BNC2: variants seen among roughly 807,000 people sequenced by gnomAD.
BNC2 encodes the protein zinc finger protein basonuclin-2.
In BNC2, 20 loss-of-function variants were observed where a neutral mutation model predicts 76.3. The ratio of observed to expected loss-of-function variants is 0.26; its 90% confidence interval spans 0.18 to 0.38. BNC2 has a LOEUF of 0.38. BNC2 is among the 10% of genes least tolerant of loss of function. The pLI is 1.00. For synonymous variants in BNC2, 582 were observed against 514.8 expected, an observed-to-expected ratio of 1.13 and a Z score of -1.77; for missense variants, 1,382 against 1,399.8, an observed-to-expected ratio of 0.99 and a Z score of 0.20.
At chr9:16,780,209 C>A (rs1377955247) in intron 1 of BNC2, among the ~76,000 whole-genome samples, 229 of 116,030 alleles carry the variant, frequency 2.0e-3, no homozygotes, top group African/African-American at 7.2e-3. Flanking sequence ...GCACTCCAGC[C>A]TGGGTGACAG....
At chr9:16,486,033 C>T (rs1209668603) in intron 5 of BNC2, among the ~76,000 whole-genome samples, 1 of 152,166 alleles carries the variant, frequency 6.6e-6, no homozygotes, top group African/African-American at 2.4e-5. Flanking sequence ...TAGTTCGAAT[C>T]CTCTGAAAAT....
At chr9:16,613,588 A>G (rs1563863639) in intron 3 of BNC2, among the ~76,000 whole-genome samples, 1 of 152,152 alleles carries the variant, frequency 6.6e-6, no homozygotes. Flanking sequence ...TCATTTTTCA[A>G]TTACTGAGAT....
At chr9:16,743,567 T>C (rs1824912294) in intron 1 of BNC2, among the ~76,000 whole-genome samples, 1 of 152,206 alleles carries the variant, frequency 6.6e-6, no homozygotes, top group African/African-American at 2.4e-5. Flanking sequence ...AGAGCAAGCA[T>C]CTGTAACCCA....
At chr9:16,850,953 CAGG>C (rs1473480383) in intron 1 of BNC2, among the ~76,000 whole-genome samples, 1 of 152,144 alleles carries the variant, frequency 6.6e-6, no homozygotes, top group African/African-American at 2.4e-5. Context: ...GAACTAGACA[CAGG>C]CTGTCTGAAA....
intron 3 of BNC2, among the ~76,000 whole-genome samples, chr9:16,665,563 T>C (rs1336362302): frequency 6.6e-6 from 1 of 152,150 alleles, no homozygotes; most frequent in Admixed American, 6.5e-5. Context: ...GTTCTTACCA[T>C]CTTATTTTAC....
chr9:16,661,115 T>C (rs562756288), intron 3 of BNC2, among the ~76,000 whole-genome samples: 1 of 152,184 alleles, frequency 6.6e-6, no homozygotes, highest in Non-Finnish European at 1.5e-5. Context: ...CCCAACGTCA[T>C]GTGGTAAAAT....
chr9:16,790,784 G>C (rs1817482896), intron 1 of BNC2, among the ~76,000 whole-genome samples: 1 of 142,548 alleles, frequency 7.0e-6, no homozygotes, highest in South Asian at 2.3e-4. Flanking sequence ...AGAGCCTCTA[G>C]AACACTGGCT....
chr9:16,739,243 C>G (rs1587367923), intron 1 of BNC2, among the ~76,000 whole-genome samples: 1 of 152,286 alleles, frequency 6.6e-6, no homozygotes. Flanking sequence ...TATCTACCAA[C>G]AGTCCAAACT....
At chr9:16,569,231 A>AT (rs924567230) in intron 4 of BNC2, among the ~76,000 whole-genome samples, 2 of 151,400 alleles carry the variant, frequency 1.3e-5, no homozygotes, top group Non-Finnish European at 2.9e-5. Context: ...ATGGCCCTTG[A>AT]TTTTTTTTCT....
At chr9:16,598,057 T>C (rs543694536) in intron 3 of BNC2, among the ~76,000 whole-genome samples, 2 of 152,268 alleles carry the variant, frequency 1.3e-5, no homozygotes, top group African/African-American at 4.8e-5. Flanking sequence ...GTAATATTCA[T>C]AATAGTAGCA....
chr9:16,533,410 G>C (rs1270374265), intron 5 of BNC2, among the ~76,000 whole-genome samples: 1 of 152,058 alleles, frequency 6.6e-6, no homozygotes, highest in African/African-American at 2.4e-5. Context: ...ACTGTCATTT[G>C]ATCTATGATA....
At chr9:16,780,694 GC>G (rs1302156463) in intron 1 of BNC2, among the ~76,000 whole-genome samples, 1 of 152,070 alleles carries the variant, frequency 6.6e-6, no homozygotes, top group Non-Finnish European at 1.5e-5. Context: ...GGACAGTAAG[GC>G]AAACACAGGA....
chr9:16,443,566 C>A, intron 5 of BNC2, among the ~76,000 whole-genome samples: 2 of 152,082 alleles, frequency 1.3e-5, no homozygotes, highest in East Asian at 3.9e-4. Flanking sequence ...CAATGCTATG[C>A]AAAACTTAAA....
At chr9:16,467,267 A>T (rs1174428753) in intron 5 of BNC2, among the ~76,000 whole-genome samples, 3 of 94,086 alleles carry the variant, frequency 3.2e-5, no homozygotes, top group Non-Finnish European at 6.2e-5. Context: ...TGTGGAAGTC[A>T]GTGTGGCGAT....
At chr9:16,478,077 A>C (rs1821965995) in intron 5 of BNC2, among the ~76,000 whole-genome samples, 1 of 152,220 alleles carries the variant, frequency 6.6e-6, no homozygotes, top group Non-Finnish European at 1.5e-5. Flanking sequence ...AGTCTGAGGT[A>C]GTTCATTTCA....
intron 3 of BNC2, among the ~76,000 whole-genome samples, chr9:16,694,582 A>AG (rs1654374504): frequency 6.6e-6 from 1 of 152,166 alleles, no homozygotes; most frequent in Non-Finnish European, 1.5e-5. Context: ...TAAACAGGGG[A>AG]GCCAGGGGAG....
At chr9:16,670,827 C>G (rs1369126017) in intron 3 of BNC2, among the ~76,000 whole-genome samples, 1 of 152,168 alleles carries the variant, frequency 6.6e-6, no homozygotes, top group Non-Finnish European at 1.5e-5. Flanking sequence ...TGCTTTTAGA[C>G]CAAAACCAAA....
chr9:16,727,415 G>A, intron 3 of BNC2: 1 of 200,864 alleles, frequency 5.0e-6, no homozygotes, highest in South Asian at 9.1e-5. Flanking sequence ...CCTACTCCGA[G>A]AGAGCAAACA....
In BNC2 at chr9:16,794,821, G is replaced by A. The variant is rs11999821; in HGVS notation, c.4-56336C>T. Among the ~76,000 whole-genome samples, 10 of 151,980 alleles carry A rather than the reference G, an allele frequency of 6.6e-5. No homozygotes were observed. The East Asian group carries it at 9.6e-4, about 15-fold the overall frequency. The stretch of plus-strand genomic sequence containing the variant: ...AGATTTGTTTTTCAAAAAATTAGCT[G>A]TCCTTTTTCATTTACACAATTTTCC... On this transcript the variant is annotated intron_variant, in intron 1 of 6. Transcript: ENST00000380672.
Sources: gnomAD v4.1 joint callset for allele counts (sites outside exome capture counted in the v4.1 genomes callset) on GRCh38, gnomAD v4.1.1 for gene constraint, MANE v1.5 for transcripts, NCBI Gene and HGNC (gene_info 2026-07-23, HGNC 2026-07-21) for gene names.